Variants in OTUD4 observed in about 807,000 individuals in gnomAD.
OTUD4 encodes the protein OTU domain-containing protein 4.
In OTUD4, 24 loss-of-function variants were observed where a neutral mutation model predicts 130.4. The observed-to-expected ratio is 0.18, with a 90% CI of 0.13 to 0.26. OTUD4 has a LOEUF of 0.26. Ranked by LOEUF, OTUD4 falls within the 10% of genes least tolerant of loss-of-function variation. The pLI, the probability that OTUD4 is intolerant of heterozygous loss-of-function variation, is 1.00. For synonymous variants in OTUD4, 420 were observed against 472.5 expected (o/e 0.89, Z 1.44); for missense variants, 1,031 against 1,329.4 (o/e 0.78, Z 3.49).
At chr4:145,143,239 C>T in intron 17 of OTUD4, 126 bp downstream of exon 17, 1 of 544,266 alleles carries the variant, frequency 1.8e-6, no homozygotes, top group Non-Finnish European at 3.2e-6. Flanking sequence ...CACAGCCAAA[C>T]TGTGATGCCA....
At chr4:145,178,759 C>G (rs930647295) in intron 1 of OTUD4, among the ~76,000 whole-genome samples, 2 of 152,140 alleles carry the variant, frequency 1.3e-5, no homozygotes, top group African/African-American at 4.8e-5. Context: ...AACAGACTGG[C>G]CTCCACATGT....
chr4:145,172,588 T>C (rs764788467), intron 2 of OTUD4, among the ~76,000 whole-genome samples: 11 of 152,208 alleles, frequency 7.2e-5, no homozygotes, highest in East Asian at 5.8e-4. Flanking sequence ...CCAAATTCAA[T>C]TGCGTTTAAA....
intron 2 of OTUD4, 87 bp downstream of exon 2, chr4:145,174,574 G>A (rs1752333323): frequency 1.3e-6 from 1 of 744,440 alleles, no homozygotes; most frequent in African/African-American, 1.7e-5. Context: ...TTAAGATCCA[G>A]CCTGTGAAAT....
chr4:145,138,195 A>T lies in OTUD4; in HGVS notation c.2580T>A (p.His860Gln), dbSNP rs150048449. The T allele has an allele frequency of 1.2e-6, 2 of 1,613,950 alleles. No individual in the cohort carries two copies. The highest frequency in any genetic ancestry group is 4.5e-5 in the East Asian group (2 of 44,882). Residue 860 changes from histidine (H) to glutamine (Q), a missense_variant, in exon 21 of 21, where the codon CAT becomes CAA. His to Gln is a conservative substitution (Grantham distance 24). Coordinates refer to ENST00000447906, the MANE Select transcript of OTUD4 (RefSeq NM_001366057.1). Reference protein sequence around the residue: ...PVPIAPPFFPHVWYGYPFQGF... With the variant: ...PVPIAPPFFPQVWYGYPFQGF... The stretch of plus-strand genomic sequence containing the variant: ...CCTGAAAAGGGTACCCATACCAAAC[A>T]TGAGGAAAGAAAGGAGGTGCAATAG...
intron 3 of OTUD4, among the ~76,000 whole-genome samples, chr4:145,165,811 C>G (rs955232613): frequency 1.4e-4 from 22 of 152,126 alleles, no homozygotes; most frequent in Admixed American, 1.3e-4. Flanking sequence ...GGGCTATCCT[C>G]CAGCCTAGCC....
chr4:145,146,573 C>A, intron 13 of OTUD4, 144 bp from the exon 14 acceptor site: 1 of 490,564 alleles, frequency 2.0e-6, no homozygotes, highest in Non-Finnish European at 3.3e-6. Context: ...AAACATTTTA[C>A]TAATTTAGCT....
At chr4:145,158,041 G>T (rs375879751) in intron 7 of OTUD4, among the ~76,000 whole-genome samples, 1 of 152,190 alleles carries the variant, frequency 6.6e-6, no homozygotes. Context: ...AGAGAGAACC[G>T]TAAAGCAAAA....
Position 145,141,562 on chromosome 4 carries a change from G to A in OTUD4, c.1900C>T (p.His634Tyr). 1 of 1,608,804 alleles carries A rather than the reference G, an allele frequency of 6.2e-7. No individual in the cohort carries two copies. The highest frequency in any genetic ancestry group is 8.5e-7 in the Non-Finnish European group (1 of 1,177,182). The change falls in exon 19 of 21, where the codon CAT becomes TAT. Residue 634 changes from histidine (H) to tyrosine (Y), a missense_variant. His to Tyr is a moderately conservative substitution (Grantham distance 83, BLOSUM62 2). Coordinates refer to ENST00000447906, the MANE Select transcript of OTUD4 (RefSeq NM_001366057.1). Reference sequence around the variant, plus strand: ...ACAGGAACTGGAGAGGGTGTTAAATGAGCTTGGGATACAGCTGAATCAGGT... The same window carrying A: ...ACAGGAACTGGAGAGGGTGTTAAATAAGCTTGGGATACAGCTGAATCAGGT... ...TGPDSAVSQAHLTPSPVPVSI... is the reference protein window; with the variant it reads ...TGPDSAVSQAYLTPSPVPVSI...
chr4:145,170,931 T>C (rs1752131793), intron 3 of OTUD4: 1 of 152,178 alleles, frequency 6.6e-6, no homozygotes, highest in South Asian at 2.1e-4. Flanking sequence ...CAGGAGTTGG[T>C]GAGTAAGTGC....
intron 19 of OTUD4, among the ~76,000 whole-genome samples, chr4:145,140,655 C>T (rs941561321): frequency 5.9e-5 from 9 of 152,120 alleles, no homozygotes; most frequent in Non-Finnish European, 1.3e-4. Context: ...AGTACTTTAA[C>T]AGCCACTACA....
chr4:145,159,455 C>CTG, intron 7 of OTUD4, 48 bp downstream of exon 7: 1 of 1,609,590 alleles, frequency 6.2e-7, no homozygotes. Context: ...ATTTACTTAA[C>CTG]TTTCCTTGTA....
chr4:145,158,780 T>C (rs1026530052), intron 7 of OTUD4, among the ~76,000 whole-genome samples: 3 of 152,220 alleles, frequency 2.0e-5, no homozygotes, highest in Admixed American at 6.5e-5. Flanking sequence ...GGACCTAGGC[T>C]ATGTACTTTA....
At chr4:145,159,359 G>A in intron 7 of OTUD4, 144 bp downstream of exon 7, 1 of 1,505,662 alleles carries the variant, frequency 6.6e-7, no homozygotes, top group Non-Finnish European at 8.8e-7. Flanking sequence ...CAGGGATAAA[G>A]AAACTTCAGC....
At chr4:145,176,098 G>T (rs1395828383) in intron 1 of OTUD4, among the ~76,000 whole-genome samples, 1 of 145,646 alleles carries the variant, frequency 6.9e-6, no homozygotes, top group Admixed American at 6.8e-5. Flanking sequence ...GTTTCACCAT[G>T]TTGGGCAGGG....
At chr4:145,144,162 G>A in intron 15 of OTUD4, 149 bp downstream of exon 15, 1 of 1,016,940 alleles carries the variant, frequency 9.8e-7, no homozygotes, top group East Asian at 2.4e-5. Flanking sequence ...CCTTTAGCTT[G>A]AGTCAATACT....
rs1388644208 is a variant in OTUD4, at chr4:145,180,588, G to T, written c.-615C>A. Reference sequence around the variant, plus strand: ...TTTCGGCCCGACAGCGGAGAGGACGGCGGGAGATGTAGTCTTGGCAGCCGC... The same window carrying T: ...TTTCGGCCCGACAGCGGAGAGGACGTCGGGAGATGTAGTCTTGGCAGCCGC... On this transcript the variant is annotated 5_prime_UTR_variant, in exon 1 of 21. Coordinates refer to ENST00000447906, the MANE Select transcript of OTUD4 (RefSeq NM_001366057.1). Among the ~76,000 whole-genome samples, 1 of 152,208 alleles carries T rather than the reference G, an allele frequency of 6.6e-6. No individual in the cohort carries two copies. Among genetic ancestry groups the T allele is most frequent in the African/African-American group, 2.4e-5 (1 of 41,468 alleles).
chr4:145,147,415 C>G (rs1750876568), intron 13 of OTUD4, among the ~76,000 whole-genome samples: 1 of 152,056 alleles, frequency 6.6e-6, no homozygotes, highest in Non-Finnish European at 1.5e-5. Flanking sequence ...CAATCCTTCC[C>G]AAATCCCAGT....
At position 145,133,779 on chromosome 4, in the gene OTUD4, A is replaced by G. The variant is rs971770831; in HGVS notation, c.*3651T>C. 3.9e-5 allele frequency: 6 copies of G among 152,656 alleles called. No individual in the cohort carries two copies. The highest frequency in any genetic ancestry group is 1.2e-4 in the African/African-American group (5 of 41,460). 9.5% of individuals were successfully genotyped at this position (152,656 alleles called of 1,614,324 possible). ...ACTTCTTAAGGCTACAAAACAGAAC[A>G]TAGAAAAATAAACAGGAATATATTC... is the stretch of plus-strand genomic sequence containing the variant. On this transcript the variant is annotated 3_prime_UTR_variant, in exon 21 of 21. Coordinates refer to ENST00000447906, the MANE Select transcript of OTUD4 (RefSeq NM_001366057.1).
intron 13 of OTUD4, among the ~76,000 whole-genome samples, chr4:145,149,278 G>A (rs766046875): frequency 1.3e-4 from 20 of 152,166 alleles, no homozygotes; most frequent in Non-Finnish European, 2.8e-4. Context: ...GTCAACTCCA[G>A]AAGTAGGAGG....
Sources: allele counts gnomAD v4.1 joint callset (sites outside exome capture counted in the v4.1 genomes callset), GRCh38; gene constraint gnomAD v4.1.1; transcripts MANE v1.5; gene names NCBI Gene and HGNC (gene_info 2026-07-23, HGNC 2026-07-21).